TET1: variants seen among roughly 807,000 people sequenced by gnomAD.
TET1 encodes the protein methylcytosine dioxygenase TET1.
Under a neutral mutation model 148.7 loss-of-function variants are expected in TET1, and 13 were observed. The observed-to-expected ratio is 0.09, with a 90% CI of 0.06 to 0.14. The LOEUF is 0.14. TET1 is among the 10% of genes least tolerant of loss of function. TET1 has a pLI of 1.00. For missense variants in TET1, 2,182 were observed against 2,553.8 expected (o/e 0.85, Z 3.14); for synonymous variants, 907 against 937.2 (o/e 0.97, Z 0.59).
intron 1 of TET1, among the ~76,000 whole-genome samples, chr10:68,563,093 A>G (rs1248394044): frequency 6.6e-6 from 1 of 151,746 alleles, no homozygotes; most frequent in Non-Finnish European, 1.5e-5. Flanking sequence ...TGTCTTCGGA[A>G]GGACAGTTCT....
intron 6 of TET1, among the ~76,000 whole-genome samples, chr10:68,656,313 A>C (rs544255228): frequency 6.6e-6 from 1 of 152,324 alleles, no homozygotes; most frequent in South Asian, 2.1e-4. Context: ...CCCAGGCTGG[A>C]GTGCAGTGGC....
chr10:68,623,612 C>T (rs1387847994), intron 3 of TET1, among the ~76,000 whole-genome samples: 1 of 152,216 alleles, frequency 6.6e-6, no homozygotes, highest in Non-Finnish European at 1.5e-5. Flanking sequence ...TCATAACTTA[C>T]TTAACTACTA....
chr10:68,630,166 T>C (rs1189389704), intron 3 of TET1, among the ~76,000 whole-genome samples: 1 of 152,178 alleles, frequency 6.6e-6, no homozygotes, highest in African/African-American at 2.4e-5. Context: ...GCTAAGTAGA[T>C]CGACTCTGCT....
At chr10:68,632,552 T>C (rs1271364076) in intron 3 of TET1, 1 of 1,609,364 alleles carries the variant, frequency 6.2e-7, no homozygotes, top group Non-Finnish European at 8.5e-7. Context: ...TCATGTGATG[T>C]TGGAGTAGGG....
At chr10:68,598,434 C>G (rs1355974167) in intron 2 of TET1, among the ~76,000 whole-genome samples, 1 of 152,022 alleles carries the variant, frequency 6.6e-6, no homozygotes, top group Admixed American at 6.6e-5. Flanking sequence ...TATTTCATCA[C>G]AATTTAAAAA....
At chr10:68,635,890 G>T (rs570479680) in intron 3 of TET1, among the ~76,000 whole-genome samples, 91 of 152,266 alleles carry the variant, frequency 6.0e-4, no homozygotes, top group African/African-American at 2.1e-3. Context: ...TCATCAAGGG[G>T]CCAAGAGGTG....
chr10:68,682,910 T>C lies in TET1; in HGVS notation c.4989T>C (p.Ala1663=). The change falls in exon 10 of 12, where the codon GCT becomes GCC. Residue 1663 remains alanine, a synonymous_variant. Transcript: ENST00000373644. The part of the protein sequence containing the change: ...KEGRPFSGVT[A]CLDFCAHPHR... ...GTCGTCCCTTCTCTGGGGTCACTGC[T>C]TGCCTGGACTTCTGTGCTCATCCCC... The C allele has an allele frequency of 1.9e-6, 3 of 1,614,096 alleles. No homozygotes were observed. Among genetic ancestry groups the C allele is most frequent in the Non-Finnish European group, 2.5e-6 (3 of 1,180,018 alleles).
At chr10:68,567,142 C>G (rs1473599309) in intron 1 of TET1, among the ~76,000 whole-genome samples, 1 of 152,098 alleles carries the variant, frequency 6.6e-6, no homozygotes, top group African/African-American at 2.4e-5. Flanking sequence ...ACCACAGATA[C>G]CACAAGGATG....
chr10:68,678,038 G>T (rs1216463484), intron 8 of TET1, among the ~76,000 whole-genome samples: 1 of 152,360 alleles, frequency 6.6e-6, no homozygotes, highest in East Asian at 1.9e-4. Context: ...TGGGATTACA[G>T]GCGTGAGCCA....
At chr10:68,648,695 C>G (rs780442965) in intron 4 of TET1, among the ~76,000 whole-genome samples, 3 of 152,164 alleles carry the variant, frequency 2.0e-5, no homozygotes, top group Non-Finnish European at 4.4e-5. Context: ...ATATTGAATT[C>G]TTGTCTTTCC....
chr10:68,573,522 T>C lies in TET1; in HGVS notation c.1184T>C (p.Leu395Pro), dbSNP rs770120735. 1.2e-5 allele frequency: 20 copies of C among 1,614,120 alleles called. No homozygotes were observed. The highest frequency in any genetic ancestry group is 1.7e-5 in the Non-Finnish European group (20 of 1,180,052). ...GAGGCCCTGGGTGAGACCCCAGATC[T>C]ACCAGAGATTCCTGGTGCTATTCCA... ...HGEALGETPD[L>P]PEIPGAIPVQ... Residue 395 changes from leucine to proline, a missense_variant, in exon 2 of 12, where the codon CTA becomes CCA. By Grantham distance (98) the Leu-to-Pro change is moderately conservative. This residue lies in a region of TET1 where 665 missense variants were observed against 672.4 expected (regional missense o/e 0.99). Transcript: ENST00000373644.
At chr10:68,642,492 T>A (rs1377538259) in intron 3 of TET1, among the ~76,000 whole-genome samples, 1 of 152,050 alleles carries the variant, frequency 6.6e-6, no homozygotes, top group Non-Finnish European at 1.5e-5. Flanking sequence ...AGGGAGTGAT[T>A]GCTTAAACAG....
chr10:68,661,834 A>ACACACACACAC (rs1564498577), intron 6 of TET1, among the ~76,000 whole-genome samples: 1 of 150,156 alleles, frequency 6.7e-6, no homozygotes, highest in Admixed American at 6.7e-5. Context: ...CACACACACA[A>ACACACACACAC]AAAACCAAGT....
rs963804630 is a variant in TET1, at chr10:68,691,960, G to T, written c.*146G>T. The stretch of plus-strand genomic sequence containing the variant: ...AAAATAATAATGATAACAAAACGGG[G>T]TGGGTATTCTTAACTGTGACTATAT... On this transcript the variant is annotated 3_prime_UTR_variant, in exon 12 of 12. Coordinates refer to ENST00000373644, the MANE Select transcript of TET1 (RefSeq NM_030625.3). The surrounding 1 kb of genome is among the most constrained non-coding windows in gnomAD (Gnocchi z 4.4). 4.1e-6 allele frequency: 4 copies of T among 982,074 alleles called. No individual in the cohort carries two copies. The highest frequency in any genetic ancestry group is 5.3e-5 in the Admixed American group (2 of 37,880). The allele number at this position is 982,074 out of a possible 1,614,324, so 60.8% of individuals were successfully genotyped here.
At chr10:68,618,215 C>G (rs2054323047) in intron 3 of TET1, among the ~76,000 whole-genome samples, 1 of 152,096 alleles carries the variant, frequency 6.6e-6, no homozygotes, top group South Asian at 2.1e-4. Flanking sequence ...TATACCTTCA[C>G]TTAAACTAGA....
intron 8 of TET1, among the ~76,000 whole-genome samples, chr10:68,674,191 G>A (rs66572269): frequency 0.097 from 14,719 of 151,636 alleles, 970 homozygotes; most frequent in South Asian, 0.18. Flanking sequence ...CTCGAACTCC[G>A]GATCTCAGGT....
At chr10:68,606,490 A>G (rs2054126261) in intron 3 of TET1, among the ~76,000 whole-genome samples, 1 of 152,272 alleles carries the variant, frequency 6.6e-6, no homozygotes, top group Non-Finnish European at 1.5e-5. Flanking sequence ...TAATTTCTTT[A>G]GAGTTTTTAA....
At chr10:68,664,528 G>T (rs2055168612) in intron 6 of TET1, among the ~76,000 whole-genome samples, 1 of 149,416 alleles carries the variant, frequency 6.7e-6, no homozygotes, top group Non-Finnish European at 1.5e-5. Context: ...AGCTGGGACT[G>T]CAGGCAGGTG....
intron 3 of TET1, chr10:68,632,498 T>C (rs1276270453): frequency 5.0e-6 from 8 of 1,612,888 alleles, no homozygotes; most frequent in Non-Finnish European, 5.9e-6. Context: ...GGATCTGTTG[T>C]GGCTGGCTTT....
Sources: gnomAD v4.1 joint callset for allele counts (sites outside exome capture counted in the v4.1 genomes callset) on GRCh38, gnomAD v4.1.1 for gene constraint, gnomAD v4.1.1 regional missense constraint, Gnocchi (gnomAD v3.1) non-coding constraint, MANE v1.5 for transcripts, NCBI Gene and HGNC (gene_info 2026-07-23, HGNC 2026-07-21) for gene names.